Variants in MAPT observed in about 807,000 individuals in gnomAD.
MAPT encodes microtubule associated protein tau.
In MAPT, 34 loss-of-function variants were observed where a neutral mutation model predicts 67.9. That is an observed-to-expected ratio of 0.50 (90% CI 0.38 to 0.67). The LOEUF (loss-of-function observed/expected upper bound fraction) is 0.67. MAPT is among the 30% of genes least tolerant of loss of function. MAPT has a pLI of 0.00. For synonymous variants in MAPT, 456 were observed against 464.5 expected (o/e 0.98, Z 0.23); for missense variants, 881 against 1,115.2 (o/e 0.79, Z 2.99).
chr17:46,020,011 CACAA>C (rs757818623), intron 12 of MAPT, among the ~76,000 whole-genome samples: 41 of 56,220 alleles, frequency 7.3e-4, no homozygotes, highest in Middle Eastern at 5.7e-3. Flanking sequence ...GATTCCATCT[CACAA>C]AAAAAAAAAA....
chr17:45,926,968 CAT>C (rs2066390081), intron 1 of MAPT, among the ~76,000 whole-genome samples: 2 of 149,388 alleles, frequency 1.3e-5, no homozygotes, highest in Admixed American at 1.3e-4. Flanking sequence ...TATATATATA[CAT>C]ATATGTGTAT....
chr17:45,948,113 C>T (rs765888320), intron 1 of MAPT, among the ~76,000 whole-genome samples: 70 of 152,168 alleles, frequency 4.6e-4, no homozygotes, highest in Middle Eastern at 6.8e-3. Context: ...TTCAAGCATT[C>T]TCCTGCCTCT....
chr17:45,960,720 A>G (rs1034670840), intron 1 of MAPT, among the ~76,000 whole-genome samples: 2 of 152,112 alleles, frequency 1.3e-5, no homozygotes, highest in African/African-American at 4.8e-5. Context: ...TGAGAGGCGG[A>G]TATGGGAGGA....
intron 3 of MAPT, chr17:45,973,168 G>A (rs569583096): frequency 6.6e-6 from 1 of 152,318 alleles, no homozygotes; most frequent in South Asian, 2.1e-4. Context: ...TGGCTGTCAA[G>A]TGCCCGCCTC....
chr17:45,935,938 C>T (rs954211157), intron 1 of MAPT, among the ~76,000 whole-genome samples: 18 of 152,204 alleles, frequency 1.2e-4, no homozygotes, highest in African/African-American at 4.3e-4. Flanking sequence ...ACTTGGGGCT[C>T]AGGACAATCT....
intron 3 of MAPT, chr17:45,975,325 C>T (rs1326978602): frequency 6.6e-6 from 1 of 152,194 alleles, no homozygotes; most frequent in African/African-American, 2.4e-5. Flanking sequence ...CCTTTCCCTC[C>T]TAAAGATGGT....
chr17:45,903,997 T>TTATATATTATATATTTA (rs2063923621), intron 1 of MAPT, among the ~76,000 whole-genome samples: 1 of 11,612 alleles, frequency 8.6e-5, no homozygotes, highest in African/African-American at 4.1e-4. Context: ...TTTATATATA[T>TTATATATTATATATTTA]TATATATTAT....
At chr17:46,012,677 G>T (rs2075895923) in intron 10 of MAPT, among the ~76,000 whole-genome samples, 1 of 151,882 alleles carries the variant, frequency 6.6e-6, no homozygotes, top group African/African-American at 2.4e-5. Context: ...TGCCCTCCAG[G>T]TATCCTGACC....
rs1290341065 is a variant in MAPT at position 45,962,416 on chromosome 17, G to A, written c.79G>A (p.Gly27Arg). 2 of 1,612,638 alleles carry A rather than the reference G, an allele frequency of 1.2e-6. No homozygotes were observed. Among genetic ancestry groups the A allele is most frequent in the Non-Finnish European group, 1.7e-6 (2 of 1,179,964 alleles). The change falls in exon 2 of 13, where the codon GGG becomes AGG. Residue 27 changes from glycine (G) to arginine (R), a missense_variant. Physicochemically the swap from Gly to Arg is moderately radical, Grantham distance 125. Coordinates refer to ENST00000262410, the MANE Select transcript of MAPT (RefSeq NM_001377265.1). ...TYGLGDRKDQ[G>R]GYTMHQDQEG... ...CGGGTTGGGGGACAGGAAAGATCAG[G>A]GGGGCTACACCATGCACCAAGACCA...
rs1235238076 is a variant in MAPT, at chr17:45,982,948, AC to A, written c.372del (p.Cys125AlafsTer23). On this transcript the variant is annotated frameshift_variant, in exon 5 of 13. Transcript: ENST00000262410. LOFTEE classifies it high-confidence loss of function. ...AGATTAGCGCCCACGTCCAGCCTGG[AC>A]CCTGCGGAGAGGCCTCTGGGGTCTC... ...NEISAHVQPG[P>X]CGEASGVSGP... 7.0e-7 allele frequency: 1 copy of A among 1,424,034 alleles called. No homozygotes were observed. Among genetic ancestry groups the A allele is most frequent in the Non-Finnish European group, 9.2e-7 (1 of 1,092,856 alleles). The allele number at this position is 1,424,034 out of a possible 1,614,324, so 88.2% of individuals were successfully genotyped here.
chr17:46,018,986 AGTTTTT>A (rs1423680465), intron 12 of MAPT, among the ~76,000 whole-genome samples: 2 of 152,048 alleles, frequency 1.3e-5, no homozygotes, highest in Admixed American at 1.3e-4. Context: ...CGGTTGCTGG[AGTTTTT>A]GTTTTTATTT....
Position 46,024,322 on chromosome 17 carries a change from C to T in MAPT, c.*151C>T, listed in dbSNP as rs2076713539. On this transcript the variant is annotated 3_prime_UTR_variant, in exon 13 of 13. Coordinates refer to ENST00000262410, the MANE Select transcript of MAPT (RefSeq NM_001377265.1). Reference sequence around the variant, plus strand: ...AATCACTTAACCTGCTTTTGTCACTCGGCTTTGGCTCGGGACTTCAAAATC... The same window carrying T: ...AATCACTTAACCTGCTTTTGTCACTTGGCTTTGGCTCGGGACTTCAAAATC... 3 of 740,566 alleles carry T rather than the reference C, an allele frequency of 4.1e-6. No individual in the cohort carries two copies. Among genetic ancestry groups the T allele is most frequent in the South Asian group, 1.5e-5 (1 of 64,914 alleles). 45.9% of individuals were successfully genotyped at this position (740,566 alleles called of 1,614,324 possible).
intron 1 of MAPT, among the ~76,000 whole-genome samples, chr17:45,926,719 T>C (rs1270484907): frequency 1.3e-5 from 2 of 152,134 alleles, no homozygotes; most frequent in African/African-American, 2.4e-5. Flanking sequence ...CTGGAGGGAA[T>C]GGACTTTTTC....
intron 9 of MAPT, among the ~76,000 whole-genome samples, chr17:46,001,023 G>A (rs915495088): frequency 1.1e-4 from 17 of 152,230 alleles, no homozygotes; most frequent in African/African-American, 3.9e-4. Flanking sequence ...GAGTCCAGGA[G>A]TTCAAGACCA....
At chr17:45,945,787 G>A (rs995318899) in intron 1 of MAPT, among the ~76,000 whole-genome samples, 1 of 148,814 alleles carries the variant, frequency 6.7e-6, no homozygotes, top group Non-Finnish European at 1.5e-5. Context: ...TACTCAAACC[G>A]AGGCAACAGA....
intron 1 of MAPT, among the ~76,000 whole-genome samples, chr17:45,946,615 A>AAAAAAAAAAAAATATATAT: frequency 3.0e-5 from 3 of 100,406 alleles, no homozygotes; most frequent in African/African-American, 4.3e-5. Context: ...AAAAAAAAAA[A>AAAAAAAAAAAAATATATAT]ATATATATAT....
rs557686493 is a variant in MAPT, at chr17:45,903,692, G to A, written c.-18+9006G>A. 4.7e-5 allele frequency among the ~76,000 whole-genome samples: 6 copies of A among 127,098 alleles called. No homozygotes were observed. The South Asian group carries it at 1.4e-3, about 30-fold the overall frequency. The allele number at this position is 127,098 out of a possible 152,430, so 83.4% of individuals were successfully genotyped here. On this transcript the variant is annotated intron_variant, in intron 1 of 12. Transcript: ENST00000262410. ...ATCGCACCACTGCACTCTAGCCTGG[G>A]CGACAGAGCTAGACTTCTTCTCAAA...
chr17:46,001,907 G>A (rs1276690836), intron 9 of MAPT, among the ~76,000 whole-genome samples: 1 of 152,190 alleles, frequency 6.6e-6, no homozygotes, highest in Non-Finnish European at 1.5e-5. Context: ...AAGTCAGCAA[G>A]CCAGAGAAGA....
intron 1 of MAPT, among the ~76,000 whole-genome samples, chr17:45,918,785 C>T (rs1025510867): frequency 9.9e-5 from 15 of 152,116 alleles, no homozygotes; most frequent in Admixed American, 4.6e-4. Context: ...TGGCTGGGTG[C>T]GGTGGCTCAC....
Sources: gnomAD v4.1 joint callset for allele counts (sites outside exome capture counted in the v4.1 genomes callset) on GRCh38, gnomAD v4.1.1 for gene constraint, MANE v1.5 for transcripts, NCBI Gene and HGNC (gene_info 2026-07-23, HGNC 2026-07-21) for gene names.